Variants in NYNRIN observed in about 807,000 individuals in gnomAD.
NYNRIN encodes the protein NYN domain and retroviral integrase containing, also known as protein NYNRIN.
A neutral mutation model predicts 146.6 loss-of-function variants in NYNRIN; 86 were observed. The ratio of observed to expected loss-of-function variants is 0.59; its 90% confidence interval spans 0.49 to 0.70. The LOEUF (loss-of-function observed/expected upper bound fraction) is 0.70, where lower values mean the gene tolerates loss of function less well. NYNRIN is among the 30% of genes least tolerant of loss of function. The probability of loss-of-function intolerance (pLI) is 0.00; values close to 1 mark genes in which losing one functional copy is unlikely to be tolerated. For synonymous variants in NYNRIN, 1,027 were observed against 1,001.3 expected (o/e 1.03, Z -0.48); for missense variants, 2,191 against 2,377.7 (o/e 0.92, Z 1.63).
intron 4 of NYNRIN, 75 bp downstream of exon 4, chr14:24,410,283 T>G: frequency 8.0e-7 from 1 of 1,257,826 alleles, no homozygotes; most frequent in Non-Finnish European, 1.1e-6. Flanking sequence ...GGACAGAATG[T>G]GGGCATCCCT....
Position 24,414,907 on chromosome 14 carries a change from A to T in NYNRIN, c.3158A>T (p.Asp1053Val). 1 of 1,604,600 alleles carries T rather than the reference A, an allele frequency of 6.2e-7. No homozygotes were observed. The highest frequency in any genetic ancestry group is 8.5e-7 in the Non-Finnish European group (1 of 1,172,780). Reference protein sequence around the residue: ...SLHDPPDGALDIDLLPGAASP... With the variant: ...SLHDPPDGALVIDLLPGAASP... ...CATGATCCCCCTGATGGGGCCCTGG[A>T]CATCGACCTCCTGCCAGGGGCAGCT... Residue 1053 changes from aspartate to valine, a missense_variant, in exon 9 of 9, where the codon GAC becomes GTC. By Grantham distance (152) the Asp-to-Val change is radical (BLOSUM62 -3). Around this residue, in one of 3 missense-constraint regions of NYNRIN, gnomAD observed 1,291 missense variants for 1,417.0 expected, o/e 0.91. Coordinates refer to ENST00000382554, the MANE Select transcript of NYNRIN (RefSeq NM_025081.3).
rs202196507 is a variant in NYNRIN, at chr14:24,408,655, C to T, written c.861C>T (p.Val287=). ...PQEAANQLVR[V]GSNNQDGMDS... Reference sequence around the variant, plus strand: ...AATGAACTTGGGCTTCCTCCAGGGTCGGTTCCAACAACCAAGATGGTATGG... The same window carrying T: ...AATGAACTTGGGCTTCCTCCAGGGTTGGTTCCAACAACCAAGATGGTATGG... The change falls in exon 4 of 9, where the codon GTC becomes GTT. Residue 287 remains valine (V), a synonymous_variant. Coordinates refer to ENST00000382554, the MANE Select transcript of NYNRIN (RefSeq NM_025081.3). 1.1e-5 allele frequency: 18 copies of T among 1,595,784 alleles called. No homozygotes were observed. Among genetic ancestry groups the T allele is most frequent in the South Asian group, 4.6e-5 (4 of 87,796 alleles).
At position 24,408,814 on chromosome 14, in the gene NYNRIN, C is replaced by T; in HGVS notation, c.1020C>T (p.Ala340=). 3.1e-6 allele frequency: 5 copies of T among 1,614,036 alleles called. No homozygotes were observed. The highest frequency in any genetic ancestry group is 4.2e-6 in the Non-Finnish European group (5 of 1,179,888). Residue 340 remains alanine (A), a synonymous_variant, in exon 4 of 9, where the codon GCC becomes GCT. Transcript: ENST00000382554. Reference sequence around the variant, plus strand: ...TCCTCTTCCAACCTCCAGTATCAGCCCTGGGTGTGTGCCCACCCTGGAAGG... The same window carrying T: ...TCCTCTTCCAACCTCCAGTATCAGCTCTGGGTGTGTGCCCACCCTGGAAGG... ...DKLLFQPPVS[A]LGVCPPWKAW... is the part of the protein sequence containing the mutation.
At position 24,414,902 on chromosome 14, in the gene NYNRIN, C is replaced by T. The variant is rs1211740050; in HGVS notation, c.3153C>T (p.Ala1051=). The change falls in exon 9 of 9, where the codon GCC becomes GCT. Residue 1051 remains alanine, a synonymous_variant. Transcript: ENST00000382554. ...CLSLHDPPDG[A]LDIDLLPGAA... ...GCCTCCATGATCCCCCTGATGGGGC[C>T]CTGGACATCGACCTCCTGCCAGGGG... The T allele has an allele frequency of 6.2e-7, 1 of 1,605,986 alleles. No homozygotes were observed. The highest frequency in any genetic ancestry group is 8.5e-7 in the Non-Finnish European group (1 of 1,173,724).
At chr14:24,405,021 TGTGTGTGA>T (rs55760479) in intron 2 of NYNRIN, among the ~76,000 whole-genome samples, 15,658 of 48,116 alleles carry the variant, frequency 0.33, 914 homozygotes, top group South Asian at 0.36. Flanking sequence ...TGTGTGTGTG[TGTGTGTGA>T]GAGAATGTGT....
Position 24,411,823 on chromosome 14 carries a change from G to T in NYNRIN, c.2642+373G>T, listed in dbSNP as rs967373527. Among the ~76,000 whole-genome samples, 3 of 152,180 alleles carry T rather than the reference G, an allele frequency of 2.0e-5. No individual in the cohort carries two copies. Among genetic ancestry groups the T allele is most frequent in the Non-Finnish European group, 4.4e-5 (3 of 68,030 alleles). On this transcript the variant is annotated intron_variant, in intron 6 of 8. Transcript: ENST00000382554. This position sits in a 1 kb window ranked among gnomAD's most constrained non-coding sequence, Gnocchi z 4.3. Reference sequence around the variant, plus strand: ...TGCTTTAGTCTTTTCCTCCCTCGGAGCCCCGGCACTGGTGGAGGTCTGTGC... The same window carrying T: ...TGCTTTAGTCTTTTCCTCCCTCGGATCCCCGGCACTGGTGGAGGTCTGTGC...
chr14:24,407,519 A>G (rs760403193), intron 2 of NYNRIN, among the ~76,000 whole-genome samples: 2 of 152,008 alleles, frequency 1.3e-5, no homozygotes, highest in Non-Finnish European at 2.9e-5. Context: ...ATCCAGTTTA[A>G]CCTTTCTTTT....
Position 24,417,576 on chromosome 14 carries a change from A to G in NYNRIN, c.*130A>G. ...GCCTTTTGTAGAGAACTTGCTTCAT[A>G]AAGCTTTGCTGAATTGCCTTGAACT... On this transcript the variant is annotated 3_prime_UTR_variant, in exon 9 of 9. Coordinates refer to ENST00000382554, the MANE Select transcript of NYNRIN (RefSeq NM_025081.3). 7.8e-7 allele frequency: 1 copy of G among 1,283,768 alleles called. No homozygotes were observed. Among genetic ancestry groups the G allele is most frequent in the Non-Finnish European group, 1.0e-6 (1 of 985,922 alleles). The allele number at this position is 1,283,768 out of a possible 1,614,324, so 79.5% of individuals were successfully genotyped here.
Position 24,408,394 on chromosome 14 carries a change from G to A in NYNRIN, c.724G>A (p.Gly242Arg), listed in dbSNP as rs561187132. ...CATGGTGTCCGTGGGAGAGAGTCCT[G>A]GACCCTTTGTGGACATGGGGACCCT... is the stretch of plus-strand genomic sequence containing the variant. ...PAMVSVGESP[G>R]PFVDMGTLQN... The change falls in exon 3 of 9, where the codon GGA (glycine) becomes AGA (arginine). Residue 242 changes from glycine (G) to arginine (R), a missense_variant. By Grantham distance (125) the Gly-to-Arg change is moderately radical. This residue lies in a region of NYNRIN where 895 missense variants were observed against 941.2 expected (regional missense o/e 0.95). Coordinates refer to ENST00000382554, the MANE Select transcript of NYNRIN (RefSeq NM_025081.3). 1 of 1,613,868 alleles carries A rather than the reference G, an allele frequency of 6.2e-7. No homozygotes were observed. Among genetic ancestry groups the A allele is most frequent in the African/African-American group, 1.3e-5 (1 of 75,044 alleles).
At chr14:24,400,430 G>A (rs530766842) in intron 2 of NYNRIN, among the ~76,000 whole-genome samples, 2 of 152,208 alleles carry the variant, frequency 1.3e-5, no homozygotes, top group African/African-American at 4.8e-5. Context: ...CCTTCACCAC[G>A]CACACCTACT....
intron 2 of NYNRIN, among the ~76,000 whole-genome samples, chr14:24,403,072 C>G (rs1426162257): frequency 6.6e-6 from 1 of 152,044 alleles, no homozygotes. Context: ...TCACGGCCAG[C>G]CCCTCTTCTC....
Position 24,416,019 on chromosome 14 carries a change from C to T in NYNRIN, c.4270C>T (p.Leu1424Phe), listed in dbSNP as rs1313842556. The change falls in exon 9 of 9, where the codon CTT becomes TTT. Residue 1424 changes from leucine to phenylalanine, a missense_variant. This residue lies in a region of NYNRIN where 1,291 missense variants were observed against 1,417.0 expected (regional missense o/e 0.91). Coordinates refer to ENST00000382554, the MANE Select transcript of NYNRIN (RefSeq NM_025081.3). The stretch of plus-strand genomic sequence containing the variant: ...ATCCCTCACCTCTGGCCTCTCATCC[C>T]TTCCGTTTATCTACCGAACCTCCTA... ...IISLTSGLSS[L>F]PFIYRTSYRG... 28 of 1,613,938 alleles carry T rather than the reference C, an allele frequency of 1.7e-5. No homozygotes were observed. The highest frequency in any genetic ancestry group is 2.2e-5 in the Non-Finnish European group (26 of 1,179,912).
rs2042922827 is a variant in NYNRIN at position 24,413,149 on chromosome 14, C to G, written c.2744+51C>G. On this transcript the variant is annotated intron_variant, in intron 7 of 8. Transcript: ENST00000382554. ...CCATTCCTTCCCCTTGGATGTCAGG[C>G]AGCCCCTGGCATGGGAGGGATTAGG... 2.1e-6 allele frequency: 3 copies of G among 1,429,508 alleles called. No homozygotes were observed. In the Admixed American group the frequency reaches 5.9e-5, roughly 28 times the overall value. 88.6% of individuals were successfully genotyped at this position (1,429,508 alleles called of 1,614,324 possible).
chr14:24,417,380 C>T lies in NYNRIN; in HGVS notation c.5631C>T (p.Pro1877=). 6.3e-7 allele frequency: 1 copy of T among 1,582,890 alleles called. No homozygotes were observed. The highest frequency in any genetic ancestry group is 1.3e-5 in the African/African-American group (1 of 74,276). The change falls in exon 9 of 9, where the codon CCC becomes CCT. Residue 1877 remains proline, a synonymous_variant. Transcript: ENST00000382554. The part of the protein sequence containing the change: ...PTPEKLGCIY[P]SSLMKAFAKS... ...CAGAGAAGCTGGGGTGCATCTATCC[C>T]AGCAGTCTGATGAAGGCCTTTGCCA... is the stretch of plus-strand genomic sequence containing the variant.
Position 24,409,769 on chromosome 14 carries a change from G to C in NYNRIN, c.1975G>C (p.Ala659Pro), listed in dbSNP as rs1474280593. Residue 659 changes from alanine to proline, a missense_variant, in exon 4 of 9, where the codon GCT becomes CCT. Transcript: ENST00000382554. ...AGCTACAGTTTCCAAAGCACCTGCA[G>C]CTTCCAAAGCACCTGCAGCTCCCAA... Reference protein sequence around the residue: ...PAATVSKAPAASKAPAAPKVP... With the variant: ...PAATVSKAPAPSKAPAAPKVP... 6.2e-7 allele frequency: 1 copy of C among 1,611,896 alleles called. No homozygotes were observed. Among genetic ancestry groups the C allele is most frequent in the East Asian group, 2.2e-5 (1 of 44,824 alleles).
chr14:24,416,139 G>A lies in NYNRIN; in HGVS notation c.4390G>A (p.Ala1464Thr). Residue 1464 changes from alanine (A) to threonine (T), a missense_variant, in exon 9 of 9, where the codon GCC becomes ACC. This residue lies in a region of NYNRIN where 1,291 missense variants were observed against 1,417.0 expected (regional missense o/e 0.91). Coordinates refer to ENST00000382554, the MANE Select transcript of NYNRIN (RefSeq NM_025081.3). ...QWWSLPKDVP[A>T]PTVSPHAMGK... ...GTGGAGTTTGCCAAAGGATGTGCCA[G>A]CCCCTACAGTGAGTCCCCATGCCAT... The A allele has an allele frequency of 6.2e-7, 1 of 1,614,016 alleles. No individual in the cohort carries two copies. The highest frequency in any genetic ancestry group is 8.5e-7 in the Non-Finnish European group (1 of 1,179,898).
At chr14:24,407,663 TC>T (rs918334641) in intron 2 of NYNRIN, among the ~76,000 whole-genome samples, 1 of 152,114 alleles carries the variant, frequency 6.6e-6, no homozygotes, top group African/African-American at 2.4e-5. Context: ...CTGTTGGTGT[TC>T]CCTGGAAAGA....
chr14:24,418,343 A>C lies in NYNRIN; in HGVS notation c.*897A>C, dbSNP rs1370466453. ...CTGCAACAGGAGTGGCACACGGTGA[A>C]GTGCTGGCATGGCTCTACCTCCCAA... On this transcript the variant is annotated 3_prime_UTR_variant, in exon 9 of 9. Coordinates refer to ENST00000382554, the MANE Select transcript of NYNRIN (RefSeq NM_025081.3). 2.2e-6 allele frequency: 1 copy of C among 453,498 alleles called. No homozygotes were observed. Among genetic ancestry groups the C allele is most frequent in the Non-Finnish European group, 4.4e-6 (1 of 225,444 alleles). 28.1% of individuals were successfully genotyped at this position (453,498 alleles called of 1,614,324 possible). A position where few individuals can be genotyped will look rare whatever the true frequency, so the allele number is the denominator to read the frequency against.
In NYNRIN at chr14:24,408,925, A is replaced by G. The variant is rs753107820; in HGVS notation, c.1131A>G (p.Leu377=). 123 of 1,613,830 alleles carry G rather than the reference A, an allele frequency of 7.6e-5. No homozygotes were observed. Among genetic ancestry groups the G allele is most frequent in the Admixed American group, 2.5e-4 (15 of 60,006 alleles). ...TFWRINELHS[L]HLAWLLSQAC... ...GGAGGATCAATGAGCTGCATTCTCT[A>G]CATCTGGCCTGGCTCCTGTCCCAGG... is the stretch of plus-strand genomic sequence containing the variant. The change falls in exon 4 of 9, where the codon CTA becomes CTG. Residue 377 remains leucine, a synonymous_variant. Coordinates refer to ENST00000382554, the MANE Select transcript of NYNRIN (RefSeq NM_025081.3).
Sources: gnomAD v4.1 joint callset for allele counts (sites outside exome capture counted in the v4.1 genomes callset) on GRCh38, gnomAD v4.1.1 for gene constraint, gnomAD v4.1.1 regional missense constraint, Gnocchi (gnomAD v3.1) non-coding constraint, MANE v1.5 for transcripts, NCBI Gene and HGNC (gene_info 2026-07-23, HGNC 2026-07-21) for gene names.